BRCA1: variants seen among roughly 807,000 people sequenced by gnomAD.
The protein encoded by BRCA1 is BRCA1 DNA repair associated.
Under a neutral mutation model 173.7 loss-of-function variants are expected in BRCA1, and 140 were observed. The ratio of observed to expected loss-of-function variants is 0.81; its 90% CI spans 0.70 to 0.93. BRCA1 has a LOEUF of 0.93. BRCA1 is among the 40% of genes least tolerant of loss of function. The probability of loss-of-function intolerance (pLI) is 0.00; values close to 1 mark genes in which losing one functional copy is unlikely to be tolerated. For synonymous variants in BRCA1, 662 were observed against 756.0 expected (o/e 0.88, Z 2.04); for missense variants, 1,983 against 2,172.5 (o/e 0.91, Z 1.73).
chr17:43,083,313 G>A (rs942885861), intron 11 of BRCA1, among the ~76,000 whole-genome samples: 4 of 151,868 alleles, frequency 2.6e-5, no homozygotes, highest in African/African-American at 9.7e-5. Flanking sequence ...TTGCCAAGAC[G>A]CCCGGCTAAT....
chr17:43,093,616 A>G lies in BRCA1; in HGVS notation c.1915T>C (p.Leu639=). The part of the protein sequence containing the change: ...RNLSPPNCTE[L]QIDSCSSSEE... Reference sequence around the variant, plus strand: ...CTGCTAGAACAACTATCAATTTGCAATTCAGTACAATTAGGTGGGCTTAGA... The same window carrying G: ...CTGCTAGAACAACTATCAATTTGCAGTTCAGTACAATTAGGTGGGCTTAGA... Residue 639 remains leucine (L), a synonymous_variant, in exon 10 of 23, where the codon TTG becomes CTG. Transcript: ENST00000357654. 1 of 1,614,090 alleles carries G rather than the reference A, an allele frequency of 6.2e-7. No homozygotes were observed. Among genetic ancestry groups the G allele is most frequent in the Non-Finnish European group, 8.5e-7 (1 of 1,180,008 alleles).
At chr17:43,134,851 CA>C (rs1333874722) in intron 1 of BRCA1, among the ~76,000 whole-genome samples, 1 of 152,182 alleles carries the variant, frequency 6.6e-6, no homozygotes, top group Non-Finnish European at 1.5e-5. Context: ...CTGACCTTTG[CA>C]GAGATAAAAG....
intron 11 of BRCA1, 151 bp from the exon 12 acceptor site, chr17:43,082,726 C>T: frequency 1.2e-6 from 1 of 819,148 alleles, no homozygotes; most frequent in South Asian, 1.6e-5. Flanking sequence ...TTTAATCTAA[C>T]CACATTCATG....
intron 1 of BRCA1, chr17:43,138,798 C>T: frequency 2.6e-6 from 2 of 778,872 alleles, no homozygotes; most frequent in Non-Finnish European, 4.8e-6. Flanking sequence ...CGTGCAGGCT[C>T]TGGTGGTCAG....
intron 19 of BRCA1, 130 bp from the exon 20 acceptor site, chr17:43,051,247 C>T: frequency 1.2e-6 from 1 of 827,310 alleles, no homozygotes; most frequent in South Asian, 1.5e-5. Flanking sequence ...CTTCTGTTCA[C>T]CACCTGATGA....
At chr17:43,078,955 T>C (rs2052867263) in intron 12 of BRCA1, among the ~76,000 whole-genome samples, 1 of 152,220 alleles carries the variant, frequency 6.6e-6, no homozygotes, top group Non-Finnish European at 1.5e-5. Context: ...ATCCCAGCAC[T>C]TTGAGAGGCC....
At chr17:43,046,085 C>T (rs376248126) in intron 22 of BRCA1, among the ~76,000 whole-genome samples, 1 of 151,918 alleles carries the variant, frequency 6.6e-6, no homozygotes, top group Admixed American at 6.6e-5. Flanking sequence ...TCACACCCAG[C>T]TAATTTTTGT....
chr17:43,162,890 G>A (rs538513938), intron 1 of BRCA1: 13 of 152,170 alleles, frequency 8.5e-5, no homozygotes, highest in Non-Finnish European at 1.6e-4. Context: ...GGATAGTCTC[G>A]GAGGTTGGGC....
At chr17:43,154,529 G>C (rs1597943478) in intron 1 of BRCA1, among the ~76,000 whole-genome samples, 1 of 151,938 alleles carries the variant, frequency 6.6e-6, no homozygotes, top group East Asian at 1.9e-4. Flanking sequence ...GACAGAGCTA[G>C]ACTCTGTCTC....
At chr17:43,100,595 TTATA>T (rs1488872824) in intron 6 of BRCA1, among the ~76,000 whole-genome samples, 1 of 61,990 alleles carries the variant, frequency 1.6e-5, no homozygotes, top group Non-Finnish European at 2.9e-5. Flanking sequence ...CATATATATA[TTATA>T]TATATATAAC....
intron 1 of BRCA1, among the ~76,000 whole-genome samples, chr17:43,169,179 A>G (rs948430892): frequency 6.6e-6 from 1 of 151,508 alleles, no homozygotes; most frequent in African/African-American, 2.4e-5. Context: ...GCCGGTGTTT[A>G]TTTCTTTGTT....
At chr17:43,078,686 C>T (rs972203444) in intron 12 of BRCA1, among the ~76,000 whole-genome samples, 5 of 151,966 alleles carry the variant, frequency 3.3e-5, no homozygotes, top group African/African-American at 1.2e-4. Flanking sequence ...TCATTGATTT[C>T]CTGAGTTAGT....
intron 1 of BRCA1, chr17:43,162,922 A>G (rs2056245794): frequency 6.6e-6 from 1 of 151,908 alleles, no homozygotes; most frequent in African/African-American, 2.4e-5. Context: ...AACTGAGTCC[A>G]ACACCTCTAC....
chr17:43,053,187 C>A (rs868767254), intron 19 of BRCA1, among the ~76,000 whole-genome samples: 1 of 152,188 alleles, frequency 6.6e-6, no homozygotes, highest in Non-Finnish European at 1.5e-5. Flanking sequence ...GCCACTCTCA[C>A]TACCTGTATG....
At chr17:43,140,741 G>C (rs1170074839) in intron 1 of BRCA1, among the ~76,000 whole-genome samples, 1 of 152,058 alleles carries the variant, frequency 6.6e-6, no homozygotes, top group Non-Finnish European at 1.5e-5. Flanking sequence ...CCTAGTCTAG[G>C]AGCCCTTTGA....
intron 1 of BRCA1, chr17:43,148,705 A>C (rs2056139733): frequency 6.3e-6 from 1 of 158,738 alleles, no homozygotes; most frequent in African/African-American, 2.4e-5. Context: ...CAGGGTTATG[A>C]TGGCTTAGCT....
chr17:43,100,537 C>CATAT (rs1201598576), intron 6 of BRCA1, among the ~76,000 whole-genome samples: 1 of 34,402 alleles, frequency 2.9e-5, no homozygotes, highest in African/African-American at 7.0e-5. Context: ...TATATATATA[C>CATAT]ATATATATGT....
At chr17:43,059,815 G>A (rs985401381) in intron 18 of BRCA1, among the ~76,000 whole-genome samples, 2 of 152,074 alleles carry the variant, frequency 1.3e-5, no homozygotes, top group African/African-American at 4.8e-5. Flanking sequence ...TATGTGATCT[G>A]GCCCTCATCT....
intron 18 of BRCA1, among the ~76,000 whole-genome samples, chr17:43,059,085 G>C (rs1269845298): frequency 6.6e-6 from 1 of 152,150 alleles, no homozygotes; most frequent in Admixed American, 6.6e-5. Context: ...CATGTTCATA[G>C]TCCTCCTTGT....
Sources: allele counts gnomAD v4.1 joint callset (sites outside exome capture counted in the v4.1 genomes callset), GRCh38; gene constraint gnomAD v4.1.1; transcripts MANE v1.5; gene names NCBI Gene and HGNC (gene_info 2026-07-23, HGNC 2026-07-21).